The following COL6A6 variants were observed in gnomAD, a reference collection of about 807,000 sequenced individuals.
COL6A6 encodes the protein collagen type VI alpha 6 chain, also known as collagen alpha-6(VI) chain.
A neutral mutation model predicts 208.6 loss-of-function variants in COL6A6; 183 were observed. The observed-to-expected ratio is 0.88, with a 90% CI of 0.78 to 0.99. COL6A6 has a LOEUF of 0.99. Among genes scored for constraint, COL6A6 ranks in the 50% least tolerant of loss-of-function variants. The pLI is 0.00. For synonymous variants in COL6A6, 973 were observed against 1,011.8 expected (o/e 0.96, Z 0.73); for missense variants, 2,816 against 2,815.2 (o/e 1.00, Z -0.01).
intron 1 of COL6A6, among the ~76,000 whole-genome samples, chr3:130,547,202 C>T (rs943484841): frequency 4.6e-5 from 7 of 152,366 alleles, no homozygotes; most frequent in African/African-American, 1.4e-4. Context: ...CGAGCCATGC[C>T]CCGCAGGGAG....
intron 26 of COL6A6, among the ~76,000 whole-genome samples, chr3:130,634,242 T>TAAATAAAAAAAAAAAA (rs2065038785): frequency 4.2e-5 from 1 of 23,808 alleles, no homozygotes; most frequent in Non-Finnish European, 5.9e-5. Flanking sequence ...AATAAATAAA[T>TAAATAAAAAAAAAAAA]AAAAAAAAAA....
chr3:130,531,872 A>C (rs914873655), intron 1 of COL6A6, among the ~76,000 whole-genome samples: 2 of 152,210 alleles, frequency 1.3e-5, no homozygotes, highest in South Asian at 4.1e-4. Flanking sequence ...TATAATGTAA[A>C]AGCAATTTAT....
chr3:130,531,041 CACACACACACACACACACAG>C (rs1374654583), intron 1 of COL6A6, among the ~76,000 whole-genome samples: 904 of 17,928 alleles, frequency 0.05, 5 homozygotes, highest in Middle Eastern at 0.27. Flanking sequence ...CACACACAGA[CACACACACACACACACACAG>C]TCTCTCTCTC....
At position 130,574,176 on chromosome 3, in the gene COL6A6, G is replaced by T. The variant is rs2063237715; in HGVS notation, c.3198G>T (p.Gln1066His). ...TAGGTGAAAAAGAGATATCATTTCAGATTGAAAACATCAAGCAGATCTTTG... is the reference window on the plus strand; with the variant it reads ...TAGGTGAAAAAGAGATATCATTTCATATTGAAAACATCAAGCAGATCTTTG... ...TFIGEKEISF[Q>H]IENIKQIFGN... is the part of the protein sequence containing the mutation. The change falls in exon 8 of 37, where the codon CAG becomes CAT. Residue 1066 changes from glutamine (Q) to histidine (H), a missense_variant. Transcript: ENST00000358511. The T allele has an allele frequency of 5.0e-6, 8 of 1,614,000 alleles. No homozygotes were observed. The highest frequency in any genetic ancestry group is 6.8e-6 in the Non-Finnish European group (8 of 1,179,890).
intron 1 of COL6A6, among the ~76,000 whole-genome samples, chr3:130,523,954 C>T (rs183463720): frequency 0.013 from 1,957 of 152,152 alleles, 21 homozygotes; most frequent in Non-Finnish European, 0.02. Context: ...AGATTTTTTT[C>T]CAAGAGTTCT....
intron 23 of COL6A6, among the ~76,000 whole-genome samples, chr3:130,616,001 A>T (rs2064507181): frequency 1.3e-5 from 2 of 152,154 alleles, no homozygotes; most frequent in Admixed American, 1.3e-4. Flanking sequence ...CTGACTGGAA[A>T]ACATGGTTTT....
At position 130,565,131 on chromosome 3, in the gene COL6A6, A is replaced by G. The variant is rs1417525423; in HGVS notation, c.799A>G (p.Arg267Gly). 1.2e-6 allele frequency: 2 copies of G among 1,613,896 alleles called. No homozygotes were observed. Among genetic ancestry groups the G allele is most frequent in the Admixed American group, 3.3e-5 (2 of 60,008 alleles). ...CCTTGACATAAAGGAAAATTGCATGAGGGTTGGCCTTGTGGCCTATAGCAA... is the reference window on the plus strand; with the variant it reads ...CCTTGACATAAAGGAAAATTGCATGGGGGTTGGCCTTGTGGCCTATAGCAA... Reference protein sequence around the residue: ...SALDIKENCMRVGLVAYSNET... With the variant: ...SALDIKENCMGVGLVAYSNET... Residue 267 changes from arginine to glycine, a missense_variant, in exon 4 of 37, where the codon AGG (arginine) becomes GGG (glycine). Coordinates refer to ENST00000358511, the MANE Select transcript of COL6A6 (RefSeq NM_001102608.3).
intron 32 of COL6A6, among the ~76,000 whole-genome samples, chr3:130,646,609 C>T (rs1278800557): frequency 6.6e-6 from 1 of 152,166 alleles, no homozygotes; most frequent in East Asian, 1.9e-4. Flanking sequence ...CTTTCAAGAG[C>T]TGGGCATAGG....
intron 21 of COL6A6, 140 bp from the exon 22 acceptor site, chr3:130,608,762 C>G: frequency 2.1e-6 from 1 of 468,150 alleles, no homozygotes; most frequent in Non-Finnish European, 3.6e-6. Flanking sequence ...TTATTTTTCA[C>G]CTTTTTTTTT....
chr3:130,584,405 C>T (rs1312153389), intron 10 of COL6A6, among the ~76,000 whole-genome samples: 1 of 151,962 alleles, frequency 6.6e-6, no homozygotes, highest in Non-Finnish European at 1.5e-5. Flanking sequence ...GATGTACAAG[C>T]ATTTCATATC....
Position 130,635,068 on chromosome 3 carries a change from C to T in COL6A6, c.5028+443C>T, listed in dbSNP as rs181854343. 1.8e-3 allele frequency among the ~76,000 whole-genome samples: 269 copies of T among 152,106 alleles called. 1 individual carries two copies. The highest frequency in any genetic ancestry group is 6.2e-3 in the African/African-American group (257 of 41,502). ...TGGCCAACATGGCAAAACCCCATCT[C>T]TACGAAAAATACAAAAATTAGCTAG... On this transcript the variant is annotated intron_variant, in intron 27 of 36. Transcript: ENST00000358511.
At chr3:130,583,940 A>G (rs1360625488) in intron 10 of COL6A6, among the ~76,000 whole-genome samples, 1 of 152,204 alleles carries the variant, frequency 6.6e-6, no homozygotes, top group South Asian at 2.1e-4. Flanking sequence ...TGTGTAAAGT[A>G]TGCAATCATC....
chr3:130,612,902 C>T (rs1288031129), intron 23 of COL6A6, among the ~76,000 whole-genome samples: 1 of 152,074 alleles, frequency 6.6e-6, no homozygotes, highest in Non-Finnish European at 1.5e-5. Context: ...TGCTTAAGTT[C>T]CTTAAGATTC....
intron 1 of COL6A6, among the ~76,000 whole-genome samples, chr3:130,546,001 G>A (rs1471314836): frequency 6.6e-6 from 1 of 152,068 alleles, no homozygotes; most frequent in East Asian, 1.9e-4. Context: ...AATTATCGGA[G>A]ATTCCAGGGT....
chr3:130,647,664 G>A (rs1293813356), intron 32 of COL6A6, among the ~76,000 whole-genome samples: 1 of 152,218 alleles, frequency 6.6e-6, no homozygotes. Context: ...AGGTGGGCAA[G>A]GCCCAGTTGG....
chr3:130,522,948 T>G (rs1225467775), intron 1 of COL6A6, among the ~76,000 whole-genome samples: 1 of 151,508 alleles, frequency 6.6e-6, no homozygotes, highest in Non-Finnish European at 1.5e-5. Context: ...TGTAGCATTC[T>G]CCACACTTCA....
At chr3:130,594,249 CT>C (rs775489789) in intron 17 of COL6A6, 31 bp from the exon 18 acceptor site, 2 of 1,496,832 alleles carry the variant, frequency 1.3e-6, no homozygotes, top group East Asian at 2.3e-5. Flanking sequence ...AACTTCTTGT[CT>C]TGTTTTTCTT....
intron 6 of COL6A6, 25 bp downstream of exon 6, chr3:130,568,629 A>G: frequency 1.9e-6 from 3 of 1,538,538 alleles, no homozygotes; most frequent in Non-Finnish European, 2.6e-6. Flanking sequence ...ACTCACTAGC[A>G]GGACTATCCG....
At chr3:130,551,130 T>TTTC (rs1553774714) in intron 1 of COL6A6, among the ~76,000 whole-genome samples, 5 of 150,322 alleles carry the variant, frequency 3.3e-5, no homozygotes, top group Admixed American at 6.6e-5. Context: ...TTTTTTTTTT[T>TTTC]CTGTGTGTGT....
Sources: gnomAD v4.1 joint callset for allele counts (sites outside exome capture counted in the v4.1 genomes callset) on GRCh38, gnomAD v4.1.1 for gene constraint, MANE v1.5 for transcripts, NCBI Gene and HGNC (gene_info 2026-07-23, HGNC 2026-07-21) for gene names.